The following GRIK2 variants were observed in gnomAD, a reference collection of about 807,000 sequenced individuals.
The protein encoded by GRIK2 is glutamate receptor ionotropic, kainate 2.
Under a neutral mutation model 100.3 loss-of-function variants are expected in GRIK2, and 32 were observed. That is an observed-to-expected ratio of 0.32 (90% confidence interval 0.24 to 0.43). The LOEUF (loss-of-function observed/expected upper bound fraction) is 0.43. Ranked by LOEUF, GRIK2 falls within the 20% of genes least tolerant of loss-of-function variation. The pLI, the probability that GRIK2 is intolerant of heterozygous loss-of-function variation, is 1.00. For missense variants in GRIK2, 843 were observed against 1,114.9 expected, an observed-to-expected ratio of 0.76 and a Z score of 3.47; for synonymous variants, 417 against 389.4, an observed-to-expected ratio of 1.07 and a Z score of -0.83.
rs1214397290 is a variant in GRIK2 at position 101,909,951 on chromosome 6, A to G, written c.1749-14650A>G. On this transcript the variant is annotated intron_variant, in intron 12 of 16. Coordinates refer to ENST00000369134, the MANE Select transcript of GRIK2 (RefSeq NM_021956.5). The stretch of plus-strand genomic sequence containing the variant: ...CTATCAGAAATAAAAATCTGATAAA[A>G]TCAGAAATGTTATGAGTTTTGAGAA... 2.6e-5 allele frequency among the ~76,000 whole-genome samples: 4 copies of G among 151,104 alleles called. No individual in the cohort carries two copies. The East Asian group carries it at 7.8e-4, about 29-fold the overall frequency.
At chr6:101,506,314 T>C (rs546193449) in intron 2 of GRIK2, among the ~76,000 whole-genome samples, 2 of 152,298 alleles carry the variant, frequency 1.3e-5, no homozygotes, top group South Asian at 4.1e-4. Context: ...TTTTGAAAAA[T>C]CTTAATCTCA....
intron 2 of GRIK2, among the ~76,000 whole-genome samples, chr6:101,467,502 C>T (rs1024011431): frequency 6.6e-6 from 1 of 152,114 alleles, no homozygotes; most frequent in African/African-American, 2.4e-5. Flanking sequence ...GGTAAAAATG[C>T]ACAATGATTC....
intron 5 of GRIK2, among the ~76,000 whole-genome samples, chr6:101,677,131 G>C (rs1176924322): frequency 6.6e-6 from 1 of 152,016 alleles, no homozygotes; most frequent in Non-Finnish European, 1.5e-5. Flanking sequence ...TCAACCAGTT[G>C]AGCAGCTCAC....
chr6:101,724,988 T>A (rs758325327), intron 7 of GRIK2, among the ~76,000 whole-genome samples: 1 of 152,066 alleles, frequency 6.6e-6, no homozygotes, highest in Admixed American at 6.6e-5. Context: ...TCTCTGTAAG[T>A]TAGTGTGTCT....
intron 2 of GRIK2, among the ~76,000 whole-genome samples, chr6:101,450,718 C>T (rs1283358017): frequency 6.6e-6 from 1 of 150,764 alleles, no homozygotes; most frequent in Non-Finnish European, 1.5e-5. Context: ...CCCTTCCAAT[C>T]CCCCAAAGAA....
At chr6:101,925,982 C>G (rs375807957) in intron 13 of GRIK2, among the ~76,000 whole-genome samples, 2 of 151,516 alleles carry the variant, frequency 1.3e-5, no homozygotes, top group East Asian at 3.9e-4. Context: ...GCATGGCCTA[C>G]TAAATTGAAA....
intron 14 of GRIK2, among the ~76,000 whole-genome samples, chr6:102,002,223 A>G (rs1171027743): frequency 6.7e-6 from 1 of 150,034 alleles, no homozygotes; most frequent in East Asian, 1.9e-4. Flanking sequence ...ACCTTCTATC[A>G]CAATGAGCTT....
intron 2 of GRIK2, among the ~76,000 whole-genome samples, chr6:101,497,043 C>G (rs970438871): frequency 6.6e-6 from 1 of 152,184 alleles, no homozygotes; most frequent in Admixed American, 6.6e-5. Context: ...TCTGCTCACT[C>G]ACTCTGCTCC....
intron 7 of GRIK2, among the ~76,000 whole-genome samples, chr6:101,693,475 G>A (rs116599189): frequency 6.6e-6 from 1 of 151,550 alleles, no homozygotes; most frequent in East Asian, 1.9e-4. Flanking sequence ...TTTGTTCATT[G>A]TCTGGGACCT....
intron 16 of GRIK2, among the ~76,000 whole-genome samples, chr6:102,058,333 T>A (rs186928713): frequency 1.3e-5 from 2 of 151,924 alleles, no homozygotes; most frequent in East Asian, 3.9e-4. Flanking sequence ...ATAATATCTA[T>A]CTACCTATCT....
chr6:101,545,727 G>A (rs1435502643), intron 2 of GRIK2, among the ~76,000 whole-genome samples: 1 of 152,116 alleles, frequency 6.6e-6, no homozygotes, highest in Non-Finnish European at 1.5e-5. Context: ...CAACTTGAAA[G>A]ACTAGAACTA....
chr6:101,678,522 A>G (rs765264503), intron 5 of GRIK2, among the ~76,000 whole-genome samples: 5 of 152,132 alleles, frequency 3.3e-5, no homozygotes, highest in Non-Finnish European at 5.9e-5. Context: ...ATACCAGAAG[A>G]CCACAAATAT....
At chr6:101,896,769 C>T (rs1787471937) in intron 12 of GRIK2, among the ~76,000 whole-genome samples, 1 of 151,650 alleles carries the variant, frequency 6.6e-6, no homozygotes, top group African/African-American at 2.4e-5. Context: ...CAATGAACTT[C>T]TGAGAACTAT....
intron 7 of GRIK2, among the ~76,000 whole-genome samples, chr6:101,758,314 T>C (rs1357748166): frequency 6.6e-6 from 1 of 152,186 alleles, no homozygotes; most frequent in Non-Finnish European, 1.5e-5. Context: ...ATTTTAATAT[T>C]TTTTTCAGTG....
intron 2 of GRIK2, among the ~76,000 whole-genome samples, chr6:101,591,789 A>C (rs1778653788): frequency 6.6e-6 from 1 of 152,192 alleles, no homozygotes; most frequent in East Asian, 1.9e-4. Flanking sequence ...CTGGGAGTCA[A>C]ATGAAAAAGG....
intron 2 of GRIK2, among the ~76,000 whole-genome samples, chr6:101,604,445 AT>A (rs1191057700): frequency 2.6e-5 from 4 of 151,884 alleles, no homozygotes; most frequent in Non-Finnish European, 5.9e-5. Context: ...ACATGAAACT[AT>A]GACAGAAATA....
intron 11 of GRIK2, among the ~76,000 whole-genome samples, chr6:101,870,144 A>G (rs1026658326): frequency 3.9e-5 from 6 of 151,904 alleles, no homozygotes; most frequent in African/African-American, 1.2e-4. Flanking sequence ...CTACTAAACT[A>G]TCTTTGTTCA....
intron 2 of GRIK2, among the ~76,000 whole-genome samples, chr6:101,581,089 C>T (rs149329019): frequency 2.1e-3 from 324 of 151,794 alleles, no homozygotes; most frequent in Middle Eastern, 6.8e-3. Flanking sequence ...TATCTCTAGA[C>T]TCTACAATAG....
chr6:101,803,627 G>A (rs1048954983), intron 9 of GRIK2, among the ~76,000 whole-genome samples: 1 of 151,834 alleles, frequency 6.6e-6, no homozygotes, highest in Non-Finnish European at 1.5e-5. Flanking sequence ...CTCGTGAGGA[G>A]TTTATCTTAC....
Sources: allele counts gnomAD v4.1 joint callset (sites outside exome capture counted in the v4.1 genomes callset), GRCh38; gene constraint gnomAD v4.1.1; transcripts MANE v1.5; gene names NCBI Gene and HGNC (gene_info 2026-07-23, HGNC 2026-07-21).